DZIP1L: variants seen among roughly 807,000 people sequenced by gnomAD.
The protein encoded by DZIP1L is cilium assembly protein DZIP1L.
DZIP1L carries 90 observed loss-of-function variants against 88.7 expected under a neutral mutation model. That is an observed-to-expected ratio of 1.02 (90% CI 0.86 to 1.21). The LOEUF is 1.21. Among genes scored for constraint, DZIP1L ranks in the 50% most tolerant of loss-of-function variants. The pLI is 0.00. For synonymous variants in DZIP1L, 363 were observed against 372.1 expected (o/e 0.98, Z 0.28); for missense variants, 932 against 955.8 (o/e 0.98, Z 0.33).
intron 3 of DZIP1L, among the ~76,000 whole-genome samples, chr3:138,097,242 G>A (rs1202040643): frequency 6.6e-6 from 1 of 152,060 alleles, no homozygotes; most frequent in African/African-American, 2.4e-5. Flanking sequence ...TCTTTATGGG[G>A]AAAACATACA....
chr3:138,107,889 T>C (rs1367787010), intron 1 of DZIP1L, among the ~76,000 whole-genome samples: 1 of 152,148 alleles, frequency 6.6e-6, no homozygotes, highest in African/African-American at 2.4e-5. Flanking sequence ...AGGATGCCAC[T>C]GGCCCACCTT....
At chr3:138,068,099 A>C (rs1576432901) in intron 13 of DZIP1L, 52 bp downstream of exon 13, 2 of 1,424,972 alleles carry the variant, frequency 1.4e-6, no homozygotes, top group East Asian at 5.1e-5. Flanking sequence ...GACTGCCTGA[A>C]TCCAGGAGCC....
chr3:138,080,719 G>GA (rs963052336), intron 9 of DZIP1L, 99 bp from the exon 10 acceptor site: 15 of 1,273,070 alleles, frequency 1.2e-5, no homozygotes, highest in Non-Finnish European at 1.6e-5. Flanking sequence ...GCCAGAAAGA[G>GA]AAAACCCTCC....
At chr3:138,095,761 G>A (rs570313693) in intron 3 of DZIP1L, among the ~76,000 whole-genome samples, 2 of 152,142 alleles carry the variant, frequency 1.3e-5, no homozygotes, top group South Asian at 2.1e-4. Context: ...CAGCCTGGGA[G>A]ACAGAGCGAG....
intron 1 of DZIP1L, among the ~76,000 whole-genome samples, chr3:138,114,054 G>A (rs1336740195): frequency 6.7e-6 from 1 of 149,304 alleles, no homozygotes; most frequent in African/African-American, 2.4e-5. Flanking sequence ...ACATGTAAAA[G>A]AAAACTGGCT....
chr3:138,114,723 T>C (rs1004520601), intron 1 of DZIP1L, among the ~76,000 whole-genome samples: 3 of 152,104 alleles, frequency 2.0e-5, no homozygotes, highest in African/African-American at 7.2e-5. Flanking sequence ...AACTAGGCCC[T>C]GCCCAGGCAG....
intron 10 of DZIP1L, among the ~76,000 whole-genome samples, chr3:138,079,659 T>G (rs1005332632): frequency 3.3e-5 from 5 of 152,166 alleles, no homozygotes; most frequent in Non-Finnish European, 7.4e-5. Context: ...GAGAGGAAAC[T>G]GGATAGCTGG....
At chr3:138,081,694 T>C (rs369036276) in intron 9 of DZIP1L, 40 bp downstream of exon 9, 7 of 1,586,680 alleles carry the variant, frequency 4.4e-6, no homozygotes, top group African/African-American at 1.4e-5. Context: ...CCAGAGACAA[T>C]AGTCAAGACT....
intron 9 of DZIP1L, 22 bp downstream of exon 9, chr3:138,081,712 A>G (rs774471354): frequency 1.5e-5 from 24 of 1,609,950 alleles, no homozygotes; most frequent in Non-Finnish European, 2.0e-5. Flanking sequence ...ACTGCTACAC[A>G]CTGCCCTGTG....
At chr3:138,096,168 G>C (rs1009683566) in intron 3 of DZIP1L, among the ~76,000 whole-genome samples, 2 of 152,176 alleles carry the variant, frequency 1.3e-5, no homozygotes, top group African/African-American at 4.8e-5. Flanking sequence ...CTGTGGAATA[G>C]GAGAGCTGGG....
intron 4 of DZIP1L, among the ~76,000 whole-genome samples, chr3:138,094,261 T>A (rs1387841392): frequency 1.3e-5 from 2 of 152,230 alleles, no homozygotes; most frequent in Non-Finnish European, 2.9e-5. Flanking sequence ...GAGCACATAC[T>A]GTTGGAAAAT....
At chr3:138,091,204 T>C (rs2107805428) in intron 5 of DZIP1L, among the ~76,000 whole-genome samples, 1 of 152,202 alleles carries the variant, frequency 6.6e-6, no homozygotes, top group Admixed American at 6.5e-5. Flanking sequence ...CTTGTTAGTA[T>C]ATCCAGTAGA....
At chr3:138,113,640 A>G (rs539625563) in intron 1 of DZIP1L, among the ~76,000 whole-genome samples, 27 of 152,344 alleles carry the variant, frequency 1.8e-4, no homozygotes, top group African/African-American at 6.0e-4. Context: ...AACAGAGATG[A>G]CAGGGACCTG....
chr3:138,089,693 C>T (rs541659083), intron 5 of DZIP1L, among the ~76,000 whole-genome samples: 210 of 152,162 alleles, frequency 1.4e-3, no homozygotes, highest in Non-Finnish European at 2.6e-3. Flanking sequence ...TTTAAAAATA[C>T]ATTAACAAAA....
At chr3:138,108,750 C>T (rs975224940) in intron 1 of DZIP1L, among the ~76,000 whole-genome samples, 2 of 152,164 alleles carry the variant, frequency 1.3e-5, no homozygotes, top group African/African-American at 2.4e-5. Context: ...CCAAGTTCCA[C>T]CAGGGCCAGA....
chr3:138,097,090 G>T (rs1421922490), intron 3 of DZIP1L, among the ~76,000 whole-genome samples: 2 of 151,816 alleles, frequency 1.3e-5, no homozygotes, highest in Non-Finnish European at 2.9e-5. Context: ...CTGAGGTACG[G>T]GGATTGCTTG....
At chr3:138,070,005 T>C (rs1943103774) in intron 12 of DZIP1L, among the ~76,000 whole-genome samples, 1 of 152,208 alleles carries the variant, frequency 6.6e-6, no homozygotes, top group Non-Finnish European at 1.5e-5. Context: ...CTCTCCCTCC[T>C]GGCTTTTTTA....
chr3:138,103,972 G>A lies in DZIP1L; in HGVS notation c.-1C>T. ...CAGCAGTGGCAGCTGGGGACTGCATGGGCAGAGGAAGCCCTGAGCTGACCA... is the reference window on the plus strand; with the variant it reads ...CAGCAGTGGCAGCTGGGGACTGCATAGGCAGAGGAAGCCCTGAGCTGACCA... On this transcript the variant is annotated 5_prime_UTR_variant, in exon 2 of 16. Coordinates refer to ENST00000327532, the MANE Select transcript of DZIP1L (RefSeq NM_173543.3). The A allele has an allele frequency of 6.2e-7, 1 of 1,608,734 alleles. No homozygotes were observed. Among genetic ancestry groups the A allele is most frequent in the Non-Finnish European group, 8.5e-7 (1 of 1,178,822 alleles).
chr3:138,104,149 T>C (rs2042410614), intron 1 of DZIP1L, 97 bp from the exon 2 acceptor site: 1 of 1,157,908 alleles, frequency 8.6e-7, no homozygotes, highest in South Asian at 1.6e-5. Context: ...CAAAGTGAGG[T>C]GTCTGTGCAG....
Sources: gnomAD v4.1 joint callset for allele counts (sites outside exome capture counted in the v4.1 genomes callset) on GRCh38, gnomAD v4.1.1 for gene constraint, MANE v1.5 for transcripts, NCBI Gene and HGNC (gene_info 2026-07-23, HGNC 2026-07-21) for gene names.